The following ADGRV1 variants were observed in gnomAD, a reference collection of about 807,000 sequenced individuals.
The protein encoded by ADGRV1 is adhesion G protein-coupled receptor V1.
A neutral mutation model predicts 596.2 loss-of-function variants in ADGRV1; 359 were observed. The ratio of observed to expected loss-of-function variants is 0.60; its 90% CI spans 0.55 to 0.66. The LOEUF (loss-of-function observed/expected upper bound fraction) is 0.66, where lower values mean the gene tolerates loss of function less well. ADGRV1 is among the 30% of genes least tolerant of loss of function. ADGRV1 has a pLI of 0.00. For missense variants in ADGRV1, 7,274 were observed against 7,575.6 expected (o/e 0.96, Z 1.48); for synonymous variants, 2,681 against 2,679.2 (o/e 1.00, Z -0.02).
chr5:90,793,645 A>C (rs1231608886), intron 70 of ADGRV1, among the ~76,000 whole-genome samples: 1 of 152,152 alleles, frequency 6.6e-6, no homozygotes, highest in Non-Finnish European at 1.5e-5. Context: ...TGCACTTTTC[A>C]TTTCATTTGA....
chr5:90,647,964 T>C (rs1409474558), intron 17 of ADGRV1, among the ~76,000 whole-genome samples, 200 bp downstream of exon 17: 4 of 126,044 alleles, frequency 3.2e-5, no homozygotes, highest in Non-Finnish European at 5.2e-5. Flanking sequence ...TGAACCTTTA[T>C]GACATCCTTT....
At chr5:90,975,222 G>A (rs1408935841) in intron 84 of ADGRV1, among the ~76,000 whole-genome samples, 5 of 151,766 alleles carry the variant, frequency 3.3e-5, no homozygotes, top group South Asian at 2.1e-4. Context: ...AGAGGATGTC[G>A]AGAAATAGGA....
chr5:91,100,753 C>T (rs1277552615), intron 86 of ADGRV1, among the ~76,000 whole-genome samples: 1 of 152,168 alleles, frequency 6.6e-6, no homozygotes, highest in African/African-American at 2.4e-5. Context: ...CCAAAATGAA[C>T]ATCTTCAGTA....
At chr5:90,733,146 C>G (rs1394605373) in intron 50 of ADGRV1, among the ~76,000 whole-genome samples, 1 of 152,094 alleles carries the variant, frequency 6.6e-6, no homozygotes, top group Non-Finnish European at 1.5e-5. Context: ...AAATGAAAAT[C>G]CTTGTGGGAA....
rs1380918118 is a variant in ADGRV1 at position 90,689,979 on chromosome 5, G to T, written c.6609G>T (p.Val2203=). ...CTGAACTGGAAGAATCTTTTCTTGT[G>T]CAACTGATGAATGAAACAACAGGAG... The part of the protein sequence containing the change: ...IYPELEESFL[V]QLMNETTGGA... Residue 2203 remains valine (V), a synonymous_variant, in exon 30 of 90, where the codon GTG becomes GTT. Coordinates refer to ENST00000405460, the MANE Select transcript of ADGRV1 (RefSeq NM_032119.4). 3 of 1,609,264 alleles carry T rather than the reference G, an allele frequency of 1.9e-6. No homozygotes were observed. The highest frequency in any genetic ancestry group is 2.5e-6 in the Non-Finnish European group (3 of 1,177,606).
intron 1 of ADGRV1, among the ~76,000 whole-genome samples, chr5:90,590,511 A>G (rs987459334): frequency 2.0e-5 from 3 of 152,154 alleles, no homozygotes; most frequent in Non-Finnish European, 4.4e-5. Flanking sequence ...GATCCCTTAT[A>G]CTGTGGTGCC....
intron 83 of ADGRV1, among the ~76,000 whole-genome samples, chr5:90,926,298 C>T (rs1254515047): frequency 1.3e-5 from 2 of 151,816 alleles, no homozygotes; most frequent in African/African-American, 2.4e-5. Context: ...TGATTATTGC[C>T]ACAATTTCAG....
rs143186072 is a variant in ADGRV1 at position 91,154,203 on chromosome 5, A to T, written c.18802+805A>T. Among the ~76,000 whole-genome samples, 221 of 152,362 alleles carry T rather than the reference A, an allele frequency of 1.5e-3. 2 individuals are homozygous for T. Among genetic ancestry groups the T allele is most frequent in the African/African-American group, 5.1e-3 (211 of 41,586 alleles). ...AATTTTTTCCTCAGAAAAATGTTGA[A>T]CTGACACTTATAAAAATTCCAGTGA... On this transcript the variant is annotated intron_variant, in intron 89 of 89. Coordinates refer to ENST00000405460, the MANE Select transcript of ADGRV1 (RefSeq NM_032119.4).
intron 61 of ADGRV1, among the ~76,000 whole-genome samples, 182 bp from the exon 62 acceptor site, chr5:90,777,723 G>T (rs1227263848): frequency 6.6e-6 from 1 of 152,082 alleles, no homozygotes; most frequent in Non-Finnish European, 1.5e-5. Flanking sequence ...TTAATACTTT[G>T]GGTGTTACTA....
intron 83 of ADGRV1, among the ~76,000 whole-genome samples, chr5:90,882,924 A>G (rs1769934182): frequency 6.7e-6 from 1 of 148,500 alleles, no homozygotes; most frequent in East Asian, 1.9e-4. Flanking sequence ...CACTTTACAA[A>G]ATGTCTGTGA....
chr5:90,993,154 C>CTTTTTTTTT (rs1235025923), intron 85 of ADGRV1, among the ~76,000 whole-genome samples: 2 of 97,640 alleles, frequency 2.0e-5, no homozygotes, highest in African/African-American at 4.1e-5. Flanking sequence ...TTGGTTTTCA[C>CTTTTTTTTT]TTTTTTTTTT....
At chr5:90,764,857 A>G (rs1756923528) in intron 59 of ADGRV1, among the ~76,000 whole-genome samples, 1 of 152,166 alleles carries the variant, frequency 6.6e-6, no homozygotes, top group Non-Finnish European at 1.5e-5. Flanking sequence ...TGAGGGAAAC[A>G]TAGGTGTGCC....
At chr5:90,945,462 G>A (rs1211644843) in intron 83 of ADGRV1, among the ~76,000 whole-genome samples, 2 of 152,104 alleles carry the variant, frequency 1.3e-5, no homozygotes, top group East Asian at 3.9e-4. Context: ...AACACTGAGG[G>A]CATTGGTGAG....
chr5:91,005,900 C>G (rs1782231530), intron 85 of ADGRV1, among the ~76,000 whole-genome samples: 1 of 152,126 alleles, frequency 6.6e-6, no homozygotes, highest in African/African-American at 2.4e-5. Context: ...CACAGATCTG[C>G]TTAAAACCCT....
At chr5:90,975,546 T>A (rs1779485742) in intron 84 of ADGRV1, among the ~76,000 whole-genome samples, 1 of 152,130 alleles carries the variant, frequency 6.6e-6, no homozygotes, top group Non-Finnish European at 1.5e-5. Context: ...TTCATGTCCT[T>A]TTTAGGGACA....
At chr5:91,099,037 A>G (rs1171569809) in intron 86 of ADGRV1, among the ~76,000 whole-genome samples, 1 of 152,146 alleles carries the variant, frequency 6.6e-6, no homozygotes, top group Non-Finnish European at 1.5e-5. Context: ...AGCAAATTAT[A>G]TTATTTCATT....
intron 78 of ADGRV1, 38 bp downstream of exon 78, chr5:90,841,023 A>G: frequency 7.1e-7 from 1 of 1,402,248 alleles, no homozygotes; most frequent in East Asian, 2.4e-5. Context: ...GTTTAGTGAA[A>G]TTTTGTAAAT....
At chr5:91,160,501 C>T (rs780987313) in intron 89 of ADGRV1, among the ~76,000 whole-genome samples, 1 of 152,166 alleles carries the variant, frequency 6.6e-6, no homozygotes, top group Non-Finnish European at 1.5e-5. Flanking sequence ...CCTATCCTAA[C>T]CAAAGTATAT....
intron 83 of ADGRV1, among the ~76,000 whole-genome samples, chr5:90,948,863 A>G (rs1156630506): frequency 6.6e-6 from 1 of 152,152 alleles, no homozygotes; most frequent in African/African-American, 2.4e-5. Context: ...CTGAATATGT[A>G]TCACTTTTGC....
Sources: gnomAD v4.1 joint callset for allele counts (sites outside exome capture counted in the v4.1 genomes callset) on GRCh38, gnomAD v4.1.1 for gene constraint, MANE v1.5 for transcripts, NCBI Gene and HGNC (gene_info 2026-07-23, HGNC 2026-07-21) for gene names.